SIDT1: variants seen among roughly 807,000 people sequenced by gnomAD.
SIDT1 encodes SID1 transmembrane family member 1, also known as SID1 transmembrane family, member 1.
A neutral mutation model predicts 107.5 loss-of-function variants in SIDT1; 101 were observed. That is an observed-to-expected ratio of 0.94 (90% confidence interval 0.80 to 1.11). The LOEUF is 1.11. Among genes scored for constraint, SIDT1 ranks in the 50% least tolerant of loss-of-function variants. The pLI, the probability that SIDT1 is intolerant of heterozygous loss-of-function variation, is 0.00. For synonymous variants in SIDT1, 395 were observed against 398.2 expected (o/e 0.99, Z 0.10); for missense variants, 1,076 against 1,058.2 (o/e 1.02, Z -0.23).
At chr3:113,574,300 C>A (rs150755448) in intron 3 of SIDT1, among the ~76,000 whole-genome samples, 3 of 152,014 alleles carry the variant, frequency 2.0e-5, no homozygotes, top group Non-Finnish European at 1.5e-5. Flanking sequence ...ACAAGAAGGT[C>A]GGTGGGAAAG....
chr3:113,630,116 G>C (rs1057345041), downstream of SIDT1, among the ~76,000 whole-genome samples: 4 of 152,164 alleles, frequency 2.6e-5, no homozygotes, highest in Non-Finnish European at 5.9e-5. Context: ...CTCTTTAAAA[G>C]GGAAAGGAAG....
chr3:113,563,956 T>C (rs1235737068), intron 1 of SIDT1, among the ~76,000 whole-genome samples: 1 of 152,188 alleles, frequency 6.6e-6, no homozygotes, highest in Non-Finnish European at 1.5e-5. Flanking sequence ...TTTTTTGTTT[T>C]GTTTTTTTGA....
At chr3:113,572,843 T>C (rs1303557028) in intron 3 of SIDT1, among the ~76,000 whole-genome samples, 8 of 152,192 alleles carry the variant, frequency 5.3e-5, no homozygotes, top group Non-Finnish European at 7.3e-5. Flanking sequence ...GGAGAGAGTG[T>C]GTGAGTGAGA....
intron 3 of SIDT1, among the ~76,000 whole-genome samples, chr3:113,572,550 A>G (rs1174400982): frequency 6.6e-6 from 1 of 152,222 alleles, no homozygotes; most frequent in Non-Finnish European, 1.5e-5. Context: ...TAGAGATGAC[A>G]TGAGTGGCAG....
intron 1 of SIDT1, among the ~76,000 whole-genome samples, chr3:113,538,389 TGA>T (rs1938434919): frequency 1.3e-5 from 2 of 152,200 alleles, no homozygotes; most frequent in South Asian, 4.1e-4. Flanking sequence ...GTAAGTTGTG[TGA>T]TGGATTCTGT....
At chr3:113,570,657 C>A (rs1039124367) in intron 3 of SIDT1, among the ~76,000 whole-genome samples, 4 of 152,178 alleles carry the variant, frequency 2.6e-5, no homozygotes, top group Non-Finnish European at 5.9e-5. Context: ...TACACACCAG[C>A]CTTGCTGGTA....
chr3:113,566,485 G>T lies in SIDT1; in HGVS notation c.288G>T (p.Val96=), dbSNP rs759850667. 6.2e-6 allele frequency: 10 copies of T among 1,614,000 alleles called. No individual in the cohort carries two copies. The highest frequency in any genetic ancestry group is 7.6e-6 in the Non-Finnish European group (9 of 1,180,020). Reference sequence around the variant, plus strand: ...ATCTCAACTACCCGGTCCTTGTTGTGGTTCGCCAGCAGAAAGAGGTGCTGT... The same window carrying T: ...ATCTCAACTACCCGGTCCTTGTTGTTGTTCGCCAGCAGAAAGAGGTGCTGT... ...SENLNYPVLV[V]VRQQKEVLSW... Residue 96 remains valine, a synonymous_variant, in exon 2 of 25, where the codon GTG becomes GTT. Coordinates refer to ENST00000264852, the MANE Select transcript of SIDT1 (RefSeq NM_017699.3).
intron 14 of SIDT1, 107 bp from the exon 15 acceptor site, chr3:113,606,934 A>G (rs1199698363): frequency 2.7e-6 from 2 of 732,152 alleles, no homozygotes; most frequent in Non-Finnish European, 5.0e-6. Flanking sequence ...TACATTGTAA[A>G]CTAGTGACAG....
At chr3:113,611,259 C>T in intron 18 of SIDT1, 115 bp downstream of exon 18, 1 of 1,213,738 alleles carries the variant, frequency 8.2e-7, no homozygotes, top group African/African-American at 1.5e-5. Flanking sequence ...GTTCATGACA[C>T]AATTTCATCT....
rs755115841 is a variant in SIDT1 at position 113,566,415 on chromosome 3, T to C, written c.223-5T>C. ...TGCATTACCTCTTTCTACCCTGCCA[T>C]GCAGGTGACAGCCGTGAGGGTGTAT... On this transcript the variant is annotated splice_region_variant and splice_polypyrimidine_tract_variant and intron_variant, in intron 1 of 24. Transcript: ENST00000264852. 1 of 1,613,262 alleles carries C rather than the reference T, an allele frequency of 6.2e-7. No individual in the cohort carries two copies. Among genetic ancestry groups the C allele is most frequent in the Admixed American group, 1.7e-5 (1 of 59,950 alleles).
Position 113,541,988 on chromosome 3 carries a change from A to G in SIDT1, c.222+8745A>G, listed in dbSNP as rs951486310. 2.0e-5 allele frequency among the ~76,000 whole-genome samples: 3 copies of G among 147,502 alleles called. No individual in the cohort carries two copies. In the East Asian group the frequency reaches 5.9e-4, roughly 29 times the overall value. ...ACCCAGGTTGGAGTGCAATGGCACG[A>G]TCTTGACTCACTGCAACCTCTGCCT... On this transcript the variant is annotated intron_variant, in intron 1 of 24. Transcript: ENST00000264852.
At chr3:113,593,399 A>T (rs1256018183) in intron 10 of SIDT1, among the ~76,000 whole-genome samples, 1 of 152,184 alleles carries the variant, frequency 6.6e-6, no homozygotes, top group Non-Finnish European at 1.5e-5. Context: ...CCCTATTGTG[A>T]ACTGTGCATG....
intron 1 of SIDT1, among the ~76,000 whole-genome samples, chr3:113,537,859 TG>T (rs1248998645): frequency 6.6e-6 from 1 of 152,248 alleles, no homozygotes; most frequent in Non-Finnish European, 1.5e-5. Flanking sequence ...CTCGGCTCAT[TG>T]CAACCTCTGC....
At chr3:113,635,194 T>A in the SIDT1 span, among the ~76,000 whole-genome samples, 1 of 152,204 alleles carries the variant, frequency 6.6e-6, no homozygotes, top group South Asian at 2.1e-4. Context: ...TGGTTATTTA[T>A]TTTCTAAAAA....
At chr3:113,557,466 A>G (rs1560030714) in intron 1 of SIDT1, among the ~76,000 whole-genome samples, 1 of 152,228 alleles carries the variant, frequency 6.6e-6, no homozygotes, top group Non-Finnish European at 1.5e-5. Context: ...AATACTTATA[A>G]GAAGAGGGAA....
chr3:113,615,975 A>C (rs1174771962), intron 19 of SIDT1, 125 bp from the exon 20 acceptor site: 3 of 756,106 alleles, frequency 4.0e-6, no homozygotes, highest in African/African-American at 1.7e-5. Flanking sequence ...TTAGGTGCAA[A>C]GCATTCTAAT....
Position 113,623,423 on chromosome 3 carries a change from G to T in SIDT1, c.2091-4G>T. 1 of 1,606,766 alleles carries T rather than the reference G, an allele frequency of 6.2e-7. No homozygotes were observed. The highest frequency in any genetic ancestry group is 8.5e-7 in the Non-Finnish European group (1 of 1,173,462). On this transcript the variant is annotated splice_polypyrimidine_tract_variant and splice_region_variant and intron_variant, in intron 21 of 24. Coordinates refer to ENST00000264852, the MANE Select transcript of SIDT1 (RefSeq NM_017699.3). ...GGCTGCCCACATTTCTCCCACGCCTGCAGCGCCCTCTTTGGATTGATATAC... is the reference window on the plus strand; with the variant it reads ...GGCTGCCCACATTTCTCCCACGCCTTCAGCGCCCTCTTTGGATTGATATAC...
intron 21 of SIDT1, among the ~76,000 whole-genome samples, chr3:113,622,798 A>G (rs906018969): frequency 2.0e-5 from 3 of 152,222 alleles, no homozygotes; most frequent in Non-Finnish European, 4.4e-5. Flanking sequence ...CACTTCAACA[A>G]AAGGGGAAAG....
At chr3:113,585,824 A>G (rs1943703838) in intron 9 of SIDT1, among the ~76,000 whole-genome samples, 1 of 152,186 alleles carries the variant, frequency 6.6e-6, no homozygotes, top group Non-Finnish European at 1.5e-5. Flanking sequence ...ATTGTGCTGT[A>G]ATTTGACCAA....
Sources: gnomAD v4.1 joint callset for allele counts (sites outside exome capture counted in the v4.1 genomes callset) on GRCh38, gnomAD v4.1.1 for gene constraint, MANE v1.5 for transcripts, NCBI Gene and HGNC (gene_info 2026-07-23, HGNC 2026-07-21) for gene names.